Variants in SAMMSON observed in about 807,000 individuals in gnomAD.
SAMMSON encodes the protein survival associated mitochondrial melanoma specific oncogenic non-coding RNA.
intron 4 of SAMMSON, among the ~76,000 whole-genome samples, chr3:70,245,671 TTATATATATATATA>T (rs34480688): frequency 0.011 from 627 of 57,240 alleles, 9 homozygotes; most frequent in African/African-American, 0.03. Context: ...GCAAACTGCT[TTATATATATATATA>T]TATATATATA....
intron 2 of SAMMSON, among the ~76,000 whole-genome samples, chr3:70,398,226 A>T (rs1254914089): frequency 3.3e-5 from 5 of 152,196 alleles, no homozygotes; most frequent in Non-Finnish European, 1.5e-5. Flanking sequence ...AAGAAACAGC[A>T]ATATTTACTC....
intron 6 of SAMMSON, among the ~76,000 whole-genome samples, chr3:70,286,247 G>C (rs902764097): frequency 1.3e-5 from 2 of 152,170 alleles, no homozygotes; most frequent in Non-Finnish European, 2.9e-5. Flanking sequence ...AAGGTGTAAG[G>C]AAGGGATCCA....
At position 70,420,980 on chromosome 3, in the gene SAMMSON, T is replaced by C. The variant is rs575209829; in HGVS notation, n.234-41580T>C. On this transcript the variant is annotated intron_variant and non_coding_transcript_variant, in intron 2 of 3. Coordinates refer to the SAMMSON transcript ENST00000641053. ...CTGTGCATGCCAATTTATTGCTGTC[T>C]AAATTATGAAAAGTGTTAAAATATT... Among the ~76,000 whole-genome samples, 16 of 152,276 alleles carry C rather than the reference T, an allele frequency of 1.1e-4. No homozygotes were observed. The South Asian group carries it at 3.1e-3, about 30-fold the overall frequency.
rs140353220 is a variant in SAMMSON at position 70,032,888 on chromosome 3, G to T, written n.417+19216G>T. ...CTTTGGACAAATAAAGGAAAACTTC[G>T]CAATGATGTAGCAGATGCTTTGGGG... On this transcript the variant is annotated intron_variant and non_coding_transcript_variant, in intron 3 of 9. Coordinates refer to ENST00000642114, the Ensembl canonical transcript of SAMMSON. 2.1e-3 allele frequency among the ~76,000 whole-genome samples: 317 copies of T among 152,258 alleles called. 2 individuals carry two copies. The highest frequency in any genetic ancestry group is 7.3e-3 in the African/African-American group (304 of 41,552).
intron 4 of SAMMSON, among the ~76,000 whole-genome samples, chr3:70,242,395 T>C (rs939764147): frequency 8.6e-5 from 13 of 151,052 alleles, no homozygotes; most frequent in Admixed American, 5.9e-4. Context: ...GGAAAATTTC[T>C]TTTTGTAGAA....
intron 4 of SAMMSON, among the ~76,000 whole-genome samples, chr3:70,190,970 A>G (rs1576148929): frequency 6.6e-6 from 1 of 152,222 alleles, no homozygotes; most frequent in African/African-American, 2.4e-5. Context: ...ACTGGCCCCT[A>G]GTATTGCCAA....
chr3:70,111,291 G>A (rs1250116697), intron 4 of SAMMSON, among the ~76,000 whole-genome samples: 1 of 152,144 alleles, frequency 6.6e-6, no homozygotes, highest in Non-Finnish European at 1.5e-5. Context: ...CCAATTCGTT[G>A]TTGGGTTCAA....
At chr3:70,294,373 A>G (rs1404921423) in intron 7 of SAMMSON, among the ~76,000 whole-genome samples, 1 of 152,166 alleles carries the variant, frequency 6.6e-6, no homozygotes, top group Non-Finnish European at 1.5e-5. Context: ...AATTTAACAC[A>G]TATTTATAAG....
At chr3:70,223,097 T>G (rs1701474727) in intron 4 of SAMMSON, among the ~76,000 whole-genome samples, 1 of 152,206 alleles carries the variant, frequency 6.6e-6, no homozygotes, top group Admixed American at 6.6e-5. Context: ...GCAAGTCTTA[T>G]GGCCAACCCT....
chr3:70,215,304 C>T (rs919410997), intron 4 of SAMMSON, among the ~76,000 whole-genome samples: 1 of 152,052 alleles, frequency 6.6e-6, no homozygotes, highest in Admixed American at 6.6e-5. Flanking sequence ...TCTTCTAATT[C>T]CTATGGCAGT....
intron 4 of SAMMSON, among the ~76,000 whole-genome samples, chr3:70,158,493 T>C (rs1352760871): frequency 6.6e-6 from 1 of 152,052 alleles, no homozygotes; most frequent in African/African-American, 2.4e-5. Context: ...TTTTAGCTAT[T>C]ATGGATAATA....
chr3:70,262,950 T>G (rs1009565269), intron 6 of SAMMSON, among the ~76,000 whole-genome samples: 44 of 152,326 alleles, frequency 2.9e-4, no homozygotes, highest in Admixed American at 1.8e-3. Context: ...TCACTGCTCT[T>G]CCTATCTGTA....
intron 9 of SAMMSON, among the ~76,000 whole-genome samples, chr3:70,369,068 T>C (rs1012139032): frequency 6.6e-6 from 1 of 151,706 alleles, no homozygotes; most frequent in African/African-American, 2.4e-5. Context: ...ATGTATTTTG[T>C]TAGATTTATA....
chr3:70,322,080 G>A (rs1702542777), intron 7 of SAMMSON, among the ~76,000 whole-genome samples: 1 of 151,892 alleles, frequency 6.6e-6, no homozygotes, highest in South Asian at 2.1e-4. Flanking sequence ...ATAAAATATT[G>A]CTTATCCTTC....
At chr3:70,027,687 T>G (rs921852773) in intron 3 of SAMMSON, among the ~76,000 whole-genome samples, 12 of 152,206 alleles carry the variant, frequency 7.9e-5, no homozygotes, top group Admixed American at 2.6e-4. Flanking sequence ...ACCAAATCTA[T>G]TCTTAGACCC....
At chr3:70,065,760 A>G (rs1178276350) in intron 3 of SAMMSON, among the ~76,000 whole-genome samples, 1 of 152,002 alleles carries the variant, frequency 6.6e-6, no homozygotes. Context: ...CCACCCCCAC[A>G]ACACACACAC....
intron 7 of SAMMSON, chr3:70,312,092 T>G (rs1405860831): frequency 2.6e-6 from 1 of 390,680 alleles, no homozygotes; most frequent in African/African-American, 2.1e-5. Context: ...CTATAGTTTT[T>G]CAGTTCACTG....
chr3:70,154,058 G>T (rs1374404052), intron 4 of SAMMSON, among the ~76,000 whole-genome samples: 1 of 151,560 alleles, frequency 6.6e-6, no homozygotes, highest in East Asian at 1.9e-4. Context: ...TTAAATGCTG[G>T]AGCTTCTGTA....
At chr3:70,329,430 G>A (rs140212111) in intron 7 of SAMMSON, among the ~76,000 whole-genome samples, 96 of 152,126 alleles carry the variant, frequency 6.3e-4, no homozygotes, top group African/African-American at 2.3e-3. Context: ...CTCAGTTTAT[G>A]TCTGGTTGCA....
Sources: allele counts gnomAD v4.1 joint callset (sites outside exome capture counted in the v4.1 genomes callset), GRCh38; gene constraint gnomAD v4.1.1; transcripts MANE v1.5; gene names NCBI Gene and HGNC (gene_info 2026-07-23, HGNC 2026-07-21).